The following UBR3 variants were observed in gnomAD, a reference collection of about 807,000 sequenced individuals.
The protein encoded by UBR3 is ubiquitin protein ligase E3 component n-recognin 3.
UBR3 carries 85 observed loss-of-function variants against 243.2 expected under a neutral mutation model. The ratio of observed to expected loss-of-function variants is 0.35; its 90% CI spans 0.29 to 0.42. The LOEUF is 0.42. UBR3 is among the 10% of genes least tolerant of loss of function. The pLI, the probability that UBR3 is intolerant of heterozygous loss-of-function variation, is 1.00. For synonymous variants in UBR3, 748 were observed against 799.8 expected, an observed-to-expected ratio of 0.94 and a Z score of 1.09; for missense variants, 1,686 against 2,300.8, an observed-to-expected ratio of 0.73 and a Z score of 5.47.
At chr2:169,966,614 GGACTCTGGAGCCT>G (rs1175914278) in intron 24 of UBR3, among the ~76,000 whole-genome samples, 1 of 152,116 alleles carries the variant, frequency 6.6e-6, no homozygotes, top group Non-Finnish European at 1.5e-5. Flanking sequence ...TTGTGAGCAT[GGACTCTGGAGCCT>G]GACTGGGTTT....
Position 169,995,840 on chromosome 2 carries a change from C to A in UBR3, c.3918+1384C>A, listed in dbSNP as rs374977122. On this transcript the variant is annotated intron_variant, in intron 26 of 38. Coordinates refer to ENST00000272793, the MANE Select transcript of UBR3 (RefSeq NM_172070.4). Reference sequence around the variant, plus strand: ...ACTTTAGTAGCAGCAGCATTGTTAACGTCTTTTTAAAATTTCTGTATTCCT... The same window carrying A: ...ACTTTAGTAGCAGCAGCATTGTTAAAGTCTTTTTAAAATTTCTGTATTCCT... Among the ~76,000 whole-genome samples the A allele has an allele frequency of 6.6e-5, 10 of 152,080 alleles. No homozygotes were observed. In the East Asian group the frequency reaches 1.9e-3, roughly 29 times the overall value.
At chr2:170,057,128 T>G (rs58095513) in intron 33 of UBR3, among the ~76,000 whole-genome samples, 64,895 of 150,036 alleles carry the variant, frequency 0.43, 15,383 homozygotes, top group Non-Finnish European at 0.54. Context: ...CTTTTTTTTT[T>G]TTTTTTTGAG....
chr2:169,967,268 C>CT (rs1478442847), intron 24 of UBR3, among the ~76,000 whole-genome samples: 3 of 139,568 alleles, frequency 2.1e-5, no homozygotes, highest in South Asian at 2.4e-4. Context: ...GCCCCCCGCC[C>CT]CCCCCCACAC....
intron 6 of UBR3, among the ~76,000 whole-genome samples, chr2:169,894,715 C>A (rs190964097): frequency 3.4e-4 from 52 of 152,224 alleles, no homozygotes; most frequent in African/African-American, 1.3e-3. Context: ...TGAAAAAACT[C>A]TACAAGGTTA....
chr2:169,891,920 C>T (rs2084393434), intron 6 of UBR3, among the ~76,000 whole-genome samples: 1 of 152,186 alleles, frequency 6.6e-6, no homozygotes, highest in Non-Finnish European at 1.5e-5. Flanking sequence ...GATTAGTTGA[C>T]AAGTCTGTGC....
intron 32 of UBR3, among the ~76,000 whole-genome samples, chr2:170,054,891 G>T (rs1192288612): frequency 2.0e-5 from 3 of 152,158 alleles, no homozygotes; most frequent in African/African-American, 7.2e-5. Context: ...TAGCACTCTG[G>T]TCTTCTGAAA....
At chr2:169,852,435 C>A (rs891031615) in intron 1 of UBR3, among the ~76,000 whole-genome samples, 3 of 152,132 alleles carry the variant, frequency 2.0e-5, no homozygotes, top group Non-Finnish European at 4.4e-5. Flanking sequence ...TTGGAACATA[C>A]CACACTAATT....
chr2:170,056,003 C>CTTTTTTTTTTT (rs34415442), intron 33 of UBR3, among the ~76,000 whole-genome samples: 8 of 88,912 alleles, frequency 9.0e-5, no homozygotes, highest in African/African-American at 1.2e-4. Context: ...TCTTTTCTTT[C>CTTTTTTTTTTT]TTTTTTTTTT....
intron 17 of UBR3, among the ~76,000 whole-genome samples, chr2:169,928,066 T>G (rs1464081254): frequency 6.6e-6 from 1 of 152,234 alleles, no homozygotes; most frequent in East Asian, 1.9e-4. Flanking sequence ...ACTTTTTATT[T>G]TGTGAAATAA....
At chr2:169,991,183 C>G (rs2089259164) in intron 25 of UBR3, among the ~76,000 whole-genome samples, 2 of 152,148 alleles carry the variant, frequency 1.3e-5, no homozygotes, top group Non-Finnish European at 2.9e-5. Flanking sequence ...ATGCTCCAAA[C>G]AACAGAGCCC....
intron 32 of UBR3, among the ~76,000 whole-genome samples, chr2:170,048,185 C>T (rs1370054998): frequency 6.6e-6 from 1 of 152,080 alleles, no homozygotes; most frequent in Non-Finnish European, 1.5e-5. Context: ...ATTCTTTAAT[C>T]ACATTTAGCC....
At chr2:169,895,460 C>T (rs2084545980) in intron 7 of UBR3, 149 bp downstream of exon 7, 1 of 866,406 alleles carries the variant, frequency 1.2e-6, no homozygotes, top group Non-Finnish European at 1.7e-6. Context: ...ACAAGTTCTT[C>T]ACAAAAGGCA....
At chr2:169,885,388 C>G (rs749691073) in intron 5 of UBR3, among the ~76,000 whole-genome samples, 22 of 151,994 alleles carry the variant, frequency 1.4e-4, no homozygotes, top group African/African-American at 3.1e-4. Context: ...GCGAGACTAA[C>G]CTGACCAACA....
chr2:169,842,140 C>A (rs2082316442), intron 1 of UBR3, among the ~76,000 whole-genome samples: 1 of 151,724 alleles, frequency 6.6e-6, no homozygotes, highest in Non-Finnish European at 1.5e-5. Context: ...ACGTGGAGAA[C>A]CTTTAAGTCT....
intron 31 of UBR3, among the ~76,000 whole-genome samples, chr2:170,031,350 A>G (rs1416753243): frequency 1.3e-5 from 2 of 152,054 alleles, no homozygotes; most frequent in African/African-American, 4.8e-5. Flanking sequence ...TACTTCATGT[A>G]TGATTTTTTT....
intron 24 of UBR3, among the ~76,000 whole-genome samples, chr2:169,966,558 A>G (rs1574301708): frequency 6.6e-6 from 1 of 152,268 alleles, no homozygotes; most frequent in East Asian, 1.9e-4. Flanking sequence ...GCTTCTTGTA[A>G]CTATTAAAGT....
intron 35 of UBR3, among the ~76,000 whole-genome samples, chr2:170,070,149 A>C (rs1194840672): frequency 6.6e-6 from 1 of 152,152 alleles, no homozygotes; most frequent in Non-Finnish European, 1.5e-5. Context: ...TGCATTGAAC[A>C]TGGGCATGAC....
chr2:170,013,446 A>C (rs1342146605), intron 29 of UBR3, among the ~76,000 whole-genome samples: 1 of 152,114 alleles, frequency 6.6e-6, no homozygotes, highest in Admixed American at 6.6e-5. Flanking sequence ...CTCAAAAAAA[A>C]TTTTTAAGAA....
intron 26 of UBR3, 144 bp downstream of exon 26, chr2:169,994,600 G>T: frequency 2.3e-6 from 2 of 872,394 alleles, no homozygotes; most frequent in Non-Finnish European, 3.4e-6. Flanking sequence ...TGGATAGAAA[G>T]AAATGGAAAT....
Sources: allele counts gnomAD v4.1 joint callset (sites outside exome capture counted in the v4.1 genomes callset), GRCh38; gene constraint gnomAD v4.1.1; transcripts MANE v1.5; gene names NCBI Gene and HGNC (gene_info 2026-07-23, HGNC 2026-07-21).